The following DYRK1A variants were observed in gnomAD, a reference collection of about 807,000 sequenced individuals.
DYRK1A encodes the protein dual specificity tyrosine-phosphorylation-regulated kinase 1A.
DYRK1A carries 9 observed loss-of-function variants against 79.7 expected under a neutral mutation model. That is an observed-to-expected ratio of 0.11 (90% CI 0.07 to 0.20). The LOEUF is 0.20. Ranked by LOEUF, DYRK1A falls within the 10% of genes least tolerant of loss-of-function variation. The probability of loss-of-function intolerance (pLI) is 1.00; values close to 1 mark genes in which losing one functional copy is unlikely to be tolerated. For missense variants in DYRK1A, 622 were observed against 956.0 expected (o/e 0.65, Z 4.61); for synonymous variants, 349 against 329.7 (o/e 1.06, Z -0.63).
At chr21:37,452,895 A>G (rs1321995116) in intron 2 of DYRK1A, among the ~76,000 whole-genome samples, 1 of 152,256 alleles carries the variant, frequency 6.6e-6, no homozygotes, top group South Asian at 2.1e-4. Context: ...AGCACTGCCA[A>G]TAGAAATGTA....
intron 3 of DYRK1A, among the ~76,000 whole-genome samples, chr21:37,474,397 A>G (rs1268803012): frequency 1.3e-5 from 2 of 152,246 alleles, no homozygotes; most frequent in Non-Finnish European, 2.9e-5. Context: ...TGATGTAAAA[A>G]GACTATCTTT....
intron 2 of DYRK1A, among the ~76,000 whole-genome samples, chr21:37,440,023 G>A (rs541405526): frequency 1.3e-5 from 2 of 149,936 alleles, no homozygotes; most frequent in East Asian, 2.0e-4. Context: ...TATATCTTAT[G>A]TTCATGAAAG....
intron 2 of DYRK1A, among the ~76,000 whole-genome samples, chr21:37,439,980 G>A (rs979782747): frequency 9.2e-5 from 14 of 151,906 alleles, no homozygotes; most frequent in Non-Finnish European, 1.9e-4. Flanking sequence ...TTGATTGTTT[G>A]ATTCAAATAG....
intron 1 of DYRK1A, among the ~76,000 whole-genome samples, chr21:37,394,017 G>A: frequency 6.6e-6 from 1 of 152,344 alleles, no homozygotes; most frequent in Non-Finnish European, 1.5e-5. Context: ...CCAGATTCAG[G>A]GGGTTCGGGG....
In DYRK1A at chr21:37,408,828, C is replaced by G. The variant is rs1602424986; in HGVS notation, c.-76-11471C>G. ...TTGATGGTTATGATTTTCTTTTACT[C>G]CTGTATTGACAGTCAGCTGTAGTTG... On this transcript the variant is annotated intron_variant, in intron 1 of 11. Coordinates refer to ENST00000647188, the MANE Select transcript of DYRK1A (RefSeq NM_001347721.2). 3.3e-5 allele frequency among the ~76,000 whole-genome samples: 5 copies of G among 152,186 alleles called. No individual in the cohort carries two copies. The South Asian group carries it at 1.0e-3, about 32-fold the overall frequency.
At chr21:37,405,192 A>T (rs1299714763) in intron 1 of DYRK1A, among the ~76,000 whole-genome samples, 2 of 152,026 alleles carry the variant, frequency 1.3e-5, no homozygotes, top group African/African-American at 4.8e-5. Flanking sequence ...AGAGCAGTTG[A>T]ACCCCGCTTC....
intron 2 of DYRK1A, among the ~76,000 whole-genome samples, chr21:37,422,231 T>G (rs959514439): frequency 6.6e-6 from 1 of 152,202 alleles, no homozygotes; most frequent in Admixed American, 6.5e-5. Flanking sequence ...GATCTAGCTG[T>G]CTAATAAATA....
intron 3 of DYRK1A, among the ~76,000 whole-genome samples, chr21:37,474,390 T>C (rs1169752866): frequency 6.6e-6 from 1 of 152,248 alleles, no homozygotes; most frequent in Non-Finnish European, 1.5e-5. Context: ...ATTTGTGTGA[T>C]GTAAAAAGAC....
intron 3 of DYRK1A, 105 bp downstream of exon 3, chr21:37,472,985 A>G (rs1267909853): frequency 3.8e-5 from 34 of 885,730 alleles, no homozygotes; most frequent in African/African-American, 6.8e-5. Flanking sequence ...TCAGTTTTAC[A>G]TGCAACGTGG....
At chr21:37,401,416 T>C (rs912000067) in intron 1 of DYRK1A, among the ~76,000 whole-genome samples, 1 of 152,136 alleles carries the variant, frequency 6.6e-6, no homozygotes, top group Admixed American at 6.6e-5. Flanking sequence ...CAAAATACTT[T>C]TTATTTCTCT....
At chr21:37,461,451 A>C (rs115225538) in intron 2 of DYRK1A, among the ~76,000 whole-genome samples, 1,993 of 152,266 alleles carry the variant, frequency 0.013, 48 homozygotes, top group African/African-American at 0.046. Context: ...TTTTATATTT[A>C]TCTACATACA....
At chr21:37,453,252 A>G (rs1840540004) in intron 2 of DYRK1A, among the ~76,000 whole-genome samples, 3 of 152,256 alleles carry the variant, frequency 2.0e-5, no homozygotes. Flanking sequence ...TAAGTCCTTA[A>G]TCTTGTTTTT....
intron 11 of DYRK1A, among the ~76,000 whole-genome samples, chr21:37,507,940 A>G (rs2053644421): frequency 6.6e-6 from 1 of 152,146 alleles, no homozygotes; most frequent in African/African-American, 2.4e-5. Flanking sequence ...AAGTCTCAAC[A>G]ATATGTGCAC....
At chr21:37,500,286 T>A (rs1341949217) in intron 9 of DYRK1A, among the ~76,000 whole-genome samples, 1 of 152,242 alleles carries the variant, frequency 6.6e-6, no homozygotes, top group Non-Finnish European at 1.5e-5. Flanking sequence ...ATGCATTAAT[T>A]TTTTGAATGT....
chr21:37,478,367 A>G, intron 4 of DYRK1A, 67 bp downstream of exon 4: 1 of 1,475,216 alleles, frequency 6.8e-7, no homozygotes, highest in African/African-American at 1.4e-5. Flanking sequence ...AGTGTGACCT[A>G]TTTACCCTAA....
rs142456324 is a variant in DYRK1A, at chr21:37,520,160, G to A, written c.*7629G>A. The A allele has an allele frequency of 6.2e-4, 95 of 152,320 alleles. No individual in the cohort carries two copies. Among genetic ancestry groups the A allele is most frequent in the African/African-American group, 1.9e-3 (79 of 41,562 alleles). The allele number at this position is 152,320 out of a possible 1,614,324, so 9.4% of individuals were successfully genotyped here. A position where few individuals can be genotyped will look rare whatever the true frequency, so the allele number is the denominator to read the frequency against. The stretch of plus-strand genomic sequence containing the variant: ...GCCTGGAGGAATAACTGTGGTAAGG[G>A]TCTGTTTTTGAACAGGCATGGTCAT... On this transcript the variant is annotated 3_prime_UTR_variant, in exon 12 of 12. Transcript: ENST00000647188.
At chr21:37,417,072 A>T (rs1351692984) in intron 1 of DYRK1A, among the ~76,000 whole-genome samples, 1 of 152,166 alleles carries the variant, frequency 6.6e-6, no homozygotes, top group African/African-American at 2.4e-5. Context: ...GTCACATTAG[A>T]GAACATATTG....
intron 1 of DYRK1A, among the ~76,000 whole-genome samples, chr21:37,380,085 T>G (rs2049626148): frequency 6.6e-6 from 1 of 152,266 alleles, no homozygotes; most frequent in Non-Finnish European, 1.5e-5. Flanking sequence ...TGTTGCTTTT[T>G]GAAGGTCAAA....
intron 2 of DYRK1A, among the ~76,000 whole-genome samples, chr21:37,423,556 G>A (rs2050534409): frequency 6.6e-6 from 1 of 152,040 alleles, no homozygotes; most frequent in Non-Finnish European, 1.5e-5. Context: ...CATTTCTTCA[G>A]TTTATTTGAT....
Sources: gnomAD v4.1 joint callset for allele counts (sites outside exome capture counted in the v4.1 genomes callset) on GRCh38, gnomAD v4.1.1 for gene constraint, MANE v1.5 for transcripts, NCBI Gene and HGNC (gene_info 2026-07-23, HGNC 2026-07-21) for gene names.